Variants in DGKB observed in about 807,000 individuals in gnomAD.
DGKB encodes the protein 90 kDa diacylglycerol kinase.
DGKB carries 67 observed loss-of-function variants against 114.3 expected under a neutral mutation model. That is an observed-to-expected ratio of 0.59 (90% CI 0.48 to 0.72). The LOEUF (loss-of-function observed/expected upper bound fraction) is 0.72, where lower values mean the gene tolerates loss of function less well. Ranked by LOEUF, DGKB falls within the 30% of genes least tolerant of loss-of-function variation. DGKB has a pLI of 0.00. For missense variants in DGKB, 907 were observed against 975.2 expected (o/e 0.93, Z 0.93); for synonymous variants, 398 against 323.1 (o/e 1.23, Z -2.49).
intron 20 of DGKB, among the ~76,000 whole-genome samples, chr7:14,566,635 C>T (rs1326411113): frequency 6.6e-6 from 1 of 152,110 alleles, no homozygotes; most frequent in Non-Finnish European, 1.5e-5. Context: ...AGGCAAATAT[C>T]ACACCATAGT....
chr7:14,921,307 C>A (rs147720985), intron 1 of DGKB, among the ~76,000 whole-genome samples: 1 of 152,162 alleles, frequency 6.6e-6, no homozygotes, highest in East Asian at 1.9e-4. Context: ...GACACGAATG[C>A]AAGATGTGTG....
rs1308088548 is a variant in DGKB, at chr7:14,958,349, T to C, written c.-188+16347A>G. ...TTTTATTTTAGACAAATAAAGGGAG[T>C]AGATGTCAGACAGTGAATGTGTTAC... On this transcript the variant is annotated intron_variant, in intron 1 of 4. Transcript: ENST00000437998. Among the ~76,000 whole-genome samples, 3 of 149,758 alleles carry C rather than the reference T, an allele frequency of 2.0e-5. No individual in the cohort carries two copies. In the East Asian group the frequency reaches 6.0e-4, roughly 30 times the overall value.
At chr7:14,824,070 C>T (rs552942010) in intron 2 of DGKB, among the ~76,000 whole-genome samples, 8 of 152,014 alleles carry the variant, frequency 5.3e-5, no homozygotes, top group African/African-American at 1.9e-4. Context: ...TAGGGGAACT[C>T]CCCTTTATAA....
At chr7:14,749,654 C>A (rs1281277342) in intron 4 of DGKB, among the ~76,000 whole-genome samples, 1 of 152,124 alleles carries the variant, frequency 6.6e-6, no homozygotes, top group Non-Finnish European at 1.5e-5. Context: ...CTATTTTAAT[C>A]TGGTGTGACA....
chr7:14,947,645 C>A (rs950233414), intron 1 of DGKB, among the ~76,000 whole-genome samples: 3 of 142,258 alleles, frequency 2.1e-5, no homozygotes, highest in African/African-American at 7.9e-5. Context: ...ATGTGTGTCT[C>A]TGTGTGTAGG....
intron 1 of DGKB, among the ~76,000 whole-genome samples, chr7:14,846,225 G>C (rs1277913895): frequency 2.6e-5 from 4 of 152,056 alleles, no homozygotes; most frequent in African/African-American, 7.2e-5. Flanking sequence ...GTTGGATTTG[G>C]TTTATTCCAA....
At position 14,807,947 on chromosome 7, in the gene DGKB, C is replaced by T. The variant is rs753338459; in HGVS notation, c.70+33247G>A. Among the ~76,000 whole-genome samples the T allele has an allele frequency of 6.1e-4, 92 of 152,042 alleles. 1 individual carries two copies. The highest frequency in any genetic ancestry group is 6.6e-4 in the Admixed American group (10 of 15,258). On this transcript the variant is annotated intron_variant, in intron 2 of 25. Transcript: ENST00000402815. ...AAGCCAGGAATAGATATCATGATGT[C>T]TCATCATAAATTCTTTAATACATAA...
intron 1 of DGKB, among the ~76,000 whole-genome samples, chr7:14,931,183 C>T (rs1000251006): frequency 1.3e-5 from 2 of 150,622 alleles, no homozygotes; most frequent in African/African-American, 4.9e-5. Flanking sequence ...GCTATCTCAG[C>T]TCATTGCAAC....
Position 14,736,155 on chromosome 7 carries a change from A to G in DGKB, c.208T>C (p.Phe70Leu). ...TCATCAGGAAGCTCGGCTTCCAGGA[A>G]TGTCTTCATGAATAGTTTGAAACCT... ...FEGFKLFMKT[F>L]LEAELPDDFT... Residue 70 changes from phenylalanine to leucine, a missense_variant, in exon 5 of 26, where the codon TTC becomes CTC. Coordinates refer to ENST00000402815, the MANE Select transcript of DGKB (RefSeq NM_001350709.2). 1 of 1,606,982 alleles carries G rather than the reference A, an allele frequency of 6.2e-7. No homozygotes were observed.
intron 1 of DGKB, among the ~76,000 whole-genome samples, chr7:14,959,526 T>C (rs979168041): frequency 6.6e-6 from 1 of 152,042 alleles, no homozygotes; most frequent in Admixed American, 6.6e-5. Context: ...TAGGATTCAC[T>C]AAGGACAACA....
At chr7:14,923,135 G>C (rs1784589577) in intron 1 of DGKB, among the ~76,000 whole-genome samples, 1 of 152,112 alleles carries the variant, frequency 6.6e-6, no homozygotes, top group Admixed American at 6.5e-5. Context: ...TTCTGATATT[G>C]CTATTGAGTC....
At chr7:14,787,660 C>A (rs548455381) in intron 2 of DGKB, among the ~76,000 whole-genome samples, 2 of 152,182 alleles carry the variant, frequency 1.3e-5, no homozygotes, top group African/African-American at 4.8e-5. Flanking sequence ...GTCACCAGCT[C>A]TTCTCCACCC....
intron 9 of DGKB, among the ~76,000 whole-genome samples, chr7:14,686,363 C>T (rs1563909598): frequency 6.6e-6 from 1 of 152,022 alleles, no homozygotes; most frequent in Non-Finnish European, 1.5e-5. Flanking sequence ...CTTTTGCTAC[C>T]ATCATTTTCT....
chr7:14,476,514 A>G (rs2128901176), intron 21 of DGKB, among the ~76,000 whole-genome samples: 1 of 152,272 alleles, frequency 6.6e-6, no homozygotes, highest in East Asian at 1.9e-4. Flanking sequence ...CACCACAACC[A>G]CTTTGTTCCC....
chr7:14,750,490 A>C (rs80215440), intron 4 of DGKB, among the ~76,000 whole-genome samples: 82 of 152,174 alleles, frequency 5.4e-4, no homozygotes, highest in African/African-American at 1.8e-3. Context: ...AATGTGTTCA[A>C]ATCTGCCCGC....
intron 1 of DGKB, among the ~76,000 whole-genome samples, chr7:14,916,683 T>C (rs1784253808): frequency 6.6e-6 from 1 of 152,036 alleles, no homozygotes; most frequent in South Asian, 2.1e-4. Context: ...AGAAAATTCA[T>C]TATTATAGTT....
chr7:14,233,162 T>C (rs185408161), intron 23 of DGKB, among the ~76,000 whole-genome samples: 1 of 152,066 alleles, frequency 6.6e-6, no homozygotes, highest in East Asian at 2.0e-4. Context: ...TGCAAGCCTA[T>C]GTATAAGAAG....
At chr7:14,705,600 G>C (rs1243595805) in intron 6 of DGKB, among the ~76,000 whole-genome samples, 1 of 150,218 alleles carries the variant, frequency 6.7e-6, no homozygotes, top group Non-Finnish European at 1.5e-5. Flanking sequence ...AAGCCCATCA[G>C]ACTAACAGCG....
chr7:14,499,346 G>T (rs371146804), intron 20 of DGKB, among the ~76,000 whole-genome samples: 1 of 151,640 alleles, frequency 6.6e-6, no homozygotes, highest in Non-Finnish European at 1.5e-5. Context: ...GTCTTCATTT[G>T]ATTTGAAAAA....
Sources: allele counts gnomAD v4.1 joint callset (sites outside exome capture counted in the v4.1 genomes callset), GRCh38; gene constraint gnomAD v4.1.1; transcripts MANE v1.5; gene names NCBI Gene and HGNC (gene_info 2026-07-23, HGNC 2026-07-21).